Variants in KIAA1958 observed in about 807,000 individuals in gnomAD.
The protein encoded by KIAA1958 is uncharacterized protein KIAA1958.
A neutral mutation model predicts 47.2 loss-of-function variants in KIAA1958; 14 were observed. That is an observed-to-expected ratio of 0.30 (90% confidence interval 0.20 to 0.46). The LOEUF is 0.46. KIAA1958 is among the 20% of genes least tolerant of loss of function. The pLI is 1.00. For synonymous variants in KIAA1958, 354 were observed against 353.3 expected, an observed-to-expected ratio of 1.00 and a Z score of -0.02; for missense variants, 803 against 909.2, an observed-to-expected ratio of 0.88 and a Z score of 1.50.
chr9:112,568,521 T>TGTAAGTCG (rs1248694115), intron 1 of KIAA1958, among the ~76,000 whole-genome samples: 1 of 152,134 alleles, frequency 6.6e-6, no homozygotes, highest in African/African-American at 2.4e-5. Flanking sequence ...TCTGTAAGTC[T>TGTAAGTCG]TCCCGATGTT....
chr9:112,614,378 C>T (rs1389730510), intron 2 of KIAA1958, among the ~76,000 whole-genome samples: 3 of 152,036 alleles, frequency 2.0e-5, no homozygotes, highest in South Asian at 4.2e-4. Flanking sequence ...ATCACATGCA[C>T]TTAATGACTA....
chr9:112,604,738 A>T (rs1165488901), intron 2 of KIAA1958, among the ~76,000 whole-genome samples: 2 of 152,032 alleles, frequency 1.3e-5, no homozygotes, highest in Non-Finnish European at 2.9e-5. Context: ...TCCCCTTCTT[A>T]TCATACTCAA....
chr9:112,540,302 G>A (rs998940990), intron 1 of KIAA1958, among the ~76,000 whole-genome samples: 2 of 152,142 alleles, frequency 1.3e-5, no homozygotes, highest in African/African-American at 2.4e-5. Flanking sequence ...AAGCCATGAT[G>A]TGTCGTATCT....
intron 1 of KIAA1958, among the ~76,000 whole-genome samples, chr9:112,550,634 G>C (rs1275535304): frequency 2.6e-5 from 4 of 152,192 alleles, no homozygotes; most frequent in Non-Finnish European, 4.4e-5. Flanking sequence ...GGAGAACCAG[G>C]AGTCAGATTC....
chr9:112,595,951 A>G (rs1836020689), intron 2 of KIAA1958, among the ~76,000 whole-genome samples: 1 of 151,810 alleles, frequency 6.6e-6, no homozygotes, highest in Non-Finnish European at 1.5e-5. Context: ...ATGCCCAGCT[A>G]ATTTTGCATT....
At chr9:112,527,804 G>T (rs57234903) in intron 1 of KIAA1958, among the ~76,000 whole-genome samples, 2,234 of 152,008 alleles carry the variant, frequency 0.015, 57 homozygotes, top group African/African-American at 0.05. Context: ...CGGCATGGTG[G>T]TGCGTGCCTG....
chr9:112,660,111 G>A lies in KIAA1958; in HGVS notation c.*42G>A. 6.4e-7 allele frequency: 1 copy of A among 1,566,740 alleles called. No homozygotes were observed. The highest frequency in any genetic ancestry group is 8.7e-7 in the Non-Finnish European group (1 of 1,149,584). On this transcript the variant is annotated 3_prime_UTR_variant, in exon 4 of 4. Coordinates refer to ENST00000337530, the MANE Select transcript of KIAA1958 (RefSeq NM_133465.4). The stretch of plus-strand genomic sequence containing the variant: ...GGCCACTGCCCTGTCACCTGCTCGG[G>A]CCAGCCAGGGTTGGAGCAGCTGGAG...
At chr9:112,503,966 T>A (rs1834189315) in intron 1 of KIAA1958, among the ~76,000 whole-genome samples, 1 of 151,426 alleles carries the variant, frequency 6.6e-6, no homozygotes, top group South Asian at 2.1e-4. Context: ...TTTCTATAAT[T>A]TGGCTATATT....
chr9:112,617,460 C>T (rs961697439), intron 2 of KIAA1958, among the ~76,000 whole-genome samples: 8 of 152,178 alleles, frequency 5.3e-5, no homozygotes, highest in Non-Finnish European at 8.8e-5. Context: ...ACCAGTACAA[C>T]CTCTGTTTTC....
chr9:112,515,936 T>C (rs564051757), intron 1 of KIAA1958, among the ~76,000 whole-genome samples: 10 of 111,358 alleles, frequency 9.0e-5, no homozygotes, highest in South Asian at 6.8e-4. Context: ...TTCCTTAAGA[T>C]CAAGAACATT....
chr9:112,648,652 C>T (rs1057009546), intron 3 of KIAA1958, among the ~76,000 whole-genome samples: 1 of 152,206 alleles, frequency 6.6e-6, no homozygotes, highest in Non-Finnish European at 1.5e-5. Context: ...CAGAGCACTG[C>T]TCTAATCCCA....
intron 2 of KIAA1958, among the ~76,000 whole-genome samples, chr9:112,610,564 C>T (rs1836310195): frequency 1.3e-5 from 2 of 152,104 alleles, no homozygotes; most frequent in Admixed American, 6.5e-5. Flanking sequence ...TTACTTTATA[C>T]AACTCTATGC....
chr9:112,599,811 GTAT>G (rs1354829559), intron 2 of KIAA1958, among the ~76,000 whole-genome samples: 1 of 152,174 alleles, frequency 6.6e-6, no homozygotes, highest in East Asian at 1.9e-4. Flanking sequence ...TGTATTTTAT[GTAT>G]TATACCAGCA....
At chr9:112,641,140 C>A (rs1454911838) in intron 2 of KIAA1958, among the ~76,000 whole-genome samples, 1 of 152,022 alleles carries the variant, frequency 6.6e-6, no homozygotes, top group Non-Finnish European at 1.5e-5. Context: ...TTTGTTCTAT[C>A]CATTTTTCAT....
chr9:112,487,488 G>A (rs965315366), intron 1 of KIAA1958, among the ~76,000 whole-genome samples: 5 of 152,126 alleles, frequency 3.3e-5, no homozygotes, highest in Admixed American at 2.0e-4. Context: ...GTCTGTCGGA[G>A]GTGGGAAGGA....
At chr9:112,546,457 GCAGCTGC>G (rs1188631684) in intron 1 of KIAA1958, among the ~76,000 whole-genome samples, 1 of 151,832 alleles carries the variant, frequency 6.6e-6, no homozygotes, top group African/African-American at 2.4e-5. Context: ...CTCTTCCTAT[GCAGCTGC>G]CACTCTTTTA....
intron 2 of KIAA1958, among the ~76,000 whole-genome samples, chr9:112,606,705 T>C (rs1165430975): frequency 6.6e-6 from 1 of 152,230 alleles, no homozygotes; most frequent in Non-Finnish European, 1.5e-5. Flanking sequence ...AAAATTTCAA[T>C]GAAGTTTGTC....
chr9:112,597,889 A>G (rs1836060641), intron 2 of KIAA1958, among the ~76,000 whole-genome samples: 2 of 152,194 alleles, frequency 1.3e-5, no homozygotes, highest in African/African-American at 4.8e-5. Flanking sequence ...CACTTATTTA[A>G]CAAATATTAA....
At chr9:112,539,369 A>G (rs1254700066) in intron 1 of KIAA1958, among the ~76,000 whole-genome samples, 3 of 152,238 alleles carry the variant, frequency 2.0e-5, no homozygotes, top group Non-Finnish European at 4.4e-5. Flanking sequence ...CATAAAAAGG[A>G]TACATGCTAC....
Sources: allele counts gnomAD v4.1 joint callset (sites outside exome capture counted in the v4.1 genomes callset), GRCh38; gene constraint gnomAD v4.1.1; transcripts MANE v1.5; gene names NCBI Gene and HGNC (gene_info 2026-07-23, HGNC 2026-07-21).